Variants in PDE4D observed in about 807,000 individuals in gnomAD.
The protein encoded by PDE4D is 3',5'-cyclic-AMP phosphodiesterase 4D.
PDE4D carries 24 observed loss-of-function variants against 87.4 expected under a neutral mutation model. The ratio of observed to expected loss-of-function variants is 0.27; its 90% CI spans 0.20 to 0.39. The LOEUF (loss-of-function observed/expected upper bound fraction) is 0.39. Among genes scored for constraint, PDE4D ranks in the 10% least tolerant of loss-of-function variants. PDE4D has a pLI of 1.00. For synonymous variants in PDE4D, 384 were observed against 383.2 expected, an observed-to-expected ratio of 1.00 and a Z score of -0.02; for missense variants, 714 against 1,041.0, an observed-to-expected ratio of 0.69 and a Z score of 4.32.
intron 3 of PDE4D, among the ~76,000 whole-genome samples, chr5:59,907,709 G>A (rs1752992853): frequency 6.6e-6 from 1 of 152,162 alleles, no homozygotes. Flanking sequence ...CGAAAAATGA[G>A]TATTAATGTA....
intron 1 of PDE4D, among the ~76,000 whole-genome samples, chr5:59,846,149 A>AAATT (rs1743812698): frequency 7.9e-5 from 12 of 152,070 alleles, no homozygotes; most frequent in Non-Finnish European, 1.3e-4. Context: ...AACTAAATTA[A>AAATT]AAATCACTAG....
intron 1 of PDE4D, chr5:59,768,541 A>G: frequency 3.1e-6 from 5 of 1,594,700 alleles, no homozygotes; most frequent in Non-Finnish European, 4.2e-6. Flanking sequence ...GCTGGCAAGA[A>G]TCCAGGGCAA....
At chr5:59,053,019 A>G (rs1761772671) in intron 5 of PDE4D, among the ~76,000 whole-genome samples, 1 of 152,086 alleles carries the variant, frequency 6.6e-6, no homozygotes, top group African/African-American at 2.4e-5. Flanking sequence ...TAGTGGTATC[A>G]CTACTACTAG....
At chr5:59,777,825 T>G (rs1352913124) in intron 1 of PDE4D, among the ~76,000 whole-genome samples, 2 of 152,178 alleles carry the variant, frequency 1.3e-5, no homozygotes, top group East Asian at 3.8e-4. Flanking sequence ...ATAAACCATT[T>G]TTTTCAAAAG....
intron 1 of PDE4D, among the ~76,000 whole-genome samples, chr5:60,424,651 C>T (rs879224708): frequency 6.6e-6 from 1 of 152,190 alleles, no homozygotes; most frequent in Non-Finnish European, 1.5e-5. Flanking sequence ...CTCACCACCC[C>T]TATGCAACTT....
intron 1 of PDE4D, among the ~76,000 whole-genome samples, chr5:60,346,977 T>A (rs1260695412): frequency 6.6e-6 from 1 of 152,142 alleles, no homozygotes; most frequent in Non-Finnish European, 1.5e-5. Flanking sequence ...CTTGAAGTGA[T>A]GAACTAGAGA....
At chr5:60,207,819 T>C (rs1451708637) in intron 1 of PDE4D, among the ~76,000 whole-genome samples, 2 of 152,224 alleles carry the variant, frequency 1.3e-5, no homozygotes, top group Non-Finnish European at 2.9e-5. Context: ...AATGGTCTGC[T>C]CTTATTTCAG....
At chr5:60,087,803 T>C (rs1285583249) in intron 2 of PDE4D, among the ~76,000 whole-genome samples, 3 of 152,018 alleles carry the variant, frequency 2.0e-5, no homozygotes, top group Admixed American at 6.6e-5. Flanking sequence ...ACAGATATTA[T>C]GTAAAAGAGG....
intron 5 of PDE4D, among the ~76,000 whole-genome samples, chr5:59,136,915 G>A (rs1213622597): frequency 6.6e-6 from 1 of 152,144 alleles, no homozygotes; most frequent in African/African-American, 2.4e-5. Context: ...GCAAGGGAAA[G>A]GTAGGGTGAC....
At chr5:60,473,172 G>C (rs57094545) in intron 1 of PDE4D, among the ~76,000 whole-genome samples, 1 of 118,832 alleles carries the variant, frequency 8.4e-6, no homozygotes, top group African/African-American at 3.4e-5. Context: ...AGGAAGGAAG[G>C]AAGGAAGGAA....
intron 2 of PDE4D, among the ~76,000 whole-genome samples, chr5:60,054,184 G>A (rs1770522534): frequency 6.6e-6 from 1 of 152,108 alleles, no homozygotes; most frequent in South Asian, 2.1e-4. Flanking sequence ...CCCATTACCG[G>A]ATATATACCC....
At chr5:59,601,489 T>G (rs1454685982) in intron 1 of PDE4D, among the ~76,000 whole-genome samples, 5 of 152,016 alleles carry the variant, frequency 3.3e-5, no homozygotes, top group Admixed American at 3.3e-4. Flanking sequence ...AACTGTTCTG[T>G]AGCCCATGTC....
At chr5:59,766,887 T>C (rs1029538213) in intron 1 of PDE4D, among the ~76,000 whole-genome samples, 2 of 152,222 alleles carry the variant, frequency 1.3e-5, no homozygotes, top group African/African-American at 4.8e-5. Context: ...ACTCCTCTTA[T>C]GGCCATTACA....
At chr5:59,711,454 T>C (rs1380811024) in intron 1 of PDE4D, among the ~76,000 whole-genome samples, 1 of 152,186 alleles carries the variant, frequency 6.6e-6, no homozygotes, top group African/African-American at 2.4e-5. Flanking sequence ...TACTCCTCTG[T>C]TGCATAATCT....
chr5:59,346,655 G>A (rs1013611217), intron 1 of PDE4D, among the ~76,000 whole-genome samples: 2 of 152,076 alleles, frequency 1.3e-5, no homozygotes, highest in Admixed American at 6.6e-5. Context: ...CATCCAAGGG[G>A]TTGAAAAGCA....
At chr5:59,889,063 C>T (rs1750567588) in intron 1 of PDE4D, among the ~76,000 whole-genome samples, 1 of 151,418 alleles carries the variant, frequency 6.6e-6, no homozygotes, top group Admixed American at 6.6e-5. Context: ...TCCATCTCTA[C>T]TAAAAATACA....
intron 1 of PDE4D, among the ~76,000 whole-genome samples, chr5:59,475,287 T>C (rs1803130758): frequency 2.0e-5 from 3 of 152,088 alleles, no homozygotes; most frequent in African/African-American, 7.2e-5. Flanking sequence ...TAGGTACACC[T>C]TTCAGAGAAG....
intron 1 of PDE4D, among the ~76,000 whole-genome samples, chr5:59,272,872 T>C (rs912521392): frequency 6.6e-6 from 1 of 152,140 alleles, no homozygotes; most frequent in African/African-American, 2.4e-5. Flanking sequence ...CTTTTTATGA[T>C]ACTTGGAGAG....
At chr5:60,165,979 T>G (rs1037926148) in intron 2 of PDE4D, among the ~76,000 whole-genome samples, 1 of 152,130 alleles carries the variant, frequency 6.6e-6, no homozygotes, top group African/African-American at 2.4e-5. Context: ...TTCTTTGTGG[T>G]TAAGTGATTT....
Sources: gnomAD v4.1 joint callset for allele counts (sites outside exome capture counted in the v4.1 genomes callset) on GRCh38, gnomAD v4.1.1 for gene constraint, MANE v1.5 for transcripts, NCBI Gene and HGNC (gene_info 2026-07-23, HGNC 2026-07-21) for gene names.